Variants in SCAPER observed in about 807,000 individuals in gnomAD.
SCAPER encodes S-phase cyclin A associated protein in the ER, also known as S phase cyclin A-associated protein in the endoplasmic reticulum.
SCAPER carries 98 observed loss-of-function variants against 182.2 expected under a neutral mutation model. That is an observed-to-expected ratio of 0.54 (90% confidence interval 0.46 to 0.64). SCAPER has a LOEUF of 0.64. Ranked by LOEUF, SCAPER falls within the 30% of genes least tolerant of loss-of-function variation. The pLI is 0.00. For synonymous variants in SCAPER, 605 were observed against 564.6 expected, an observed-to-expected ratio of 1.07 and a Z score of -1.01; for missense variants, 1,432 against 1,690.0, an observed-to-expected ratio of 0.85 and a Z score of 2.68.
intron 24 of SCAPER, among the ~76,000 whole-genome samples, chr15:76,485,440 G>A (rs918212685): frequency 3.3e-5 from 5 of 152,238 alleles, no homozygotes; most frequent in Non-Finnish European, 5.9e-5. Context: ...ACTCAATATC[G>A]TTAAAATGGC....
chr15:76,648,470 A>C (rs1260932695), intron 21 of SCAPER, among the ~76,000 whole-genome samples: 1 of 152,200 alleles, frequency 6.6e-6, no homozygotes, highest in African/African-American at 2.4e-5. Flanking sequence ...CTTTTTCAAG[A>C]AACAATGGCT....
At position 76,800,376 on chromosome 15, in the gene SCAPER, A is replaced by G; in HGVS notation, c.495-12T>C. 1.3e-6 allele frequency: 2 copies of G among 1,496,916 alleles called. No homozygotes were observed. Among genetic ancestry groups the G allele is most frequent in the East Asian group, 2.3e-5 (1 of 44,350 alleles). 92.7% of individuals were successfully genotyped at this position (1,496,916 alleles called of 1,614,324 possible). On this transcript the variant is annotated splice_polypyrimidine_tract_variant and intron_variant, in intron 6 of 31. Transcript: ENST00000563290. ...CCAATGATGTTGGTCTGCGAATTCA[A>G]TATATAAACCAGATTAAATTAACAG...
chr15:76,834,894 T>C (rs2068798544), intron 5 of SCAPER, among the ~76,000 whole-genome samples: 1 of 151,938 alleles, frequency 6.6e-6, no homozygotes. Context: ...AGTTCTGAAA[T>C]GGAATCATTA....
chr15:76,423,987 G>T (rs1292561463), intron 26 of SCAPER, among the ~76,000 whole-genome samples: 1 of 152,198 alleles, frequency 6.6e-6, no homozygotes, highest in Non-Finnish European at 1.5e-5. Flanking sequence ...CTGAGAGACA[G>T]TTTGTTATAA....
At chr15:76,533,141 G>C (rs905688643) in intron 23 of SCAPER, among the ~76,000 whole-genome samples, 2 of 152,180 alleles carry the variant, frequency 1.3e-5, no homozygotes, top group African/African-American at 2.4e-5. Flanking sequence ...AGATTACTGA[G>C]ATTAGTTTTG....
At chr15:76,472,253 C>A (rs1331990118) in intron 24 of SCAPER, 1 of 561,352 alleles carries the variant, frequency 1.8e-6, no homozygotes, top group Non-Finnish European at 3.5e-6. Context: ...AGGAGGTACC[C>A]AAAAAGAAAA....
chr15:76,895,179 A>T (rs1025686745), intron 1 of SCAPER, among the ~76,000 whole-genome samples: 1 of 152,326 alleles, frequency 6.6e-6, no homozygotes, highest in Non-Finnish European at 1.5e-5. Context: ...AGCATCATAC[A>T]CTATGATCAG....
chr15:76,521,225 T>C (rs1321972517), intron 23 of SCAPER, among the ~76,000 whole-genome samples: 1 of 152,194 alleles, frequency 6.6e-6, no homozygotes, highest in Non-Finnish European at 1.5e-5. Context: ...ATGGTCATTT[T>C]GGGTATCTGT....
Position 76,619,340 on chromosome 15 carries a change from T to C in SCAPER, c.2711+2424A>G, listed in dbSNP as rs866560474. 2.0e-5 allele frequency among the ~76,000 whole-genome samples: 3 copies of C among 152,212 alleles called. No individual in the cohort carries two copies. In the South Asian group the frequency reaches 6.2e-4, roughly 32 times the overall value. ...ACCTATACATTCATCTTTTGATAAA[T>C]ATTTGAGTTATTTCCAGTTTGGAGC... is the stretch of plus-strand genomic sequence containing the variant. On this transcript the variant is annotated intron_variant, in intron 22 of 31. Transcript: ENST00000563290.
intron 21 of SCAPER, among the ~76,000 whole-genome samples, chr15:76,637,114 A>G (rs537937003): frequency 1.8e-4 from 27 of 152,228 alleles, no homozygotes; most frequent in Admixed American, 1.5e-3. Context: ...ACCTAACTTT[A>G]GAACATTTTT....
chr15:76,371,594 A>C (rs2042181199), intron 29 of SCAPER, among the ~76,000 whole-genome samples: 3 of 151,068 alleles, frequency 2.0e-5, no homozygotes, highest in Admixed American at 6.6e-5. Context: ...CTGGGATTAC[A>C]GGCGTGAGCC....
intron 14 of SCAPER, among the ~76,000 whole-genome samples, chr15:76,756,625 T>C (rs1201653358): frequency 1.3e-5 from 2 of 152,182 alleles, no homozygotes; most frequent in Non-Finnish European, 2.9e-5. Context: ...GGTTGCCTTT[T>C]TCACAGAAAA....
intron 23 of SCAPER, among the ~76,000 whole-genome samples, chr15:76,528,390 A>G (rs975743859): frequency 6.6e-6 from 1 of 152,166 alleles, no homozygotes; most frequent in African/African-American, 2.4e-5. Context: ...TTTACAGATA[A>G]CTTTCTACCA....
At chr15:76,357,251 A>G (rs919646760) in intron 29 of SCAPER, among the ~76,000 whole-genome samples, 2 of 151,582 alleles carry the variant, frequency 1.3e-5, no homozygotes, top group African/African-American at 4.8e-5. Context: ...AAGTGTATAC[A>G]CCGGTGTCAC....
chr15:76,899,503 G>A (rs368772822), intron 1 of SCAPER, among the ~76,000 whole-genome samples: 2 of 152,166 alleles, frequency 1.3e-5, no homozygotes, highest in Non-Finnish European at 2.9e-5. Context: ...GCCTGATCTC[G>A]GCTCACTACA....
rs1596841712 is a variant in SCAPER, at chr15:76,472,227, C to A, written c.2955-892G>T. On this transcript the variant is annotated intron_variant, in intron 24 of 31. Coordinates refer to ENST00000563290, the MANE Select transcript of SCAPER (RefSeq NM_020843.4). ...GCCAGAGCCCAACCCTAAAAAGTCC[C>A]CTGCAAAGGAGAGAGAGGAGGTACC... 3 of 536,900 alleles carry A rather than the reference C, an allele frequency of 5.6e-6. No homozygotes were observed. The East Asian group carries it at 1.4e-4, about 25-fold the overall frequency. 33.3% of individuals were successfully genotyped at this position (536,900 alleles called of 1,614,324 possible).
chr15:76,413,340 A>G (rs1194575276), intron 26 of SCAPER, among the ~76,000 whole-genome samples: 3 of 152,160 alleles, frequency 2.0e-5, no homozygotes, highest in Non-Finnish European at 4.4e-5. Flanking sequence ...ATTATGTACG[A>G]TTTAGCTGTT....
At chr15:76,695,394 G>A (rs166794) in intron 20 of SCAPER, among the ~76,000 whole-genome samples, 20,377 of 151,928 alleles carry the variant, frequency 0.13, 1,412 homozygotes, top group African/African-American at 0.17. Context: ...TCAAGAGTTC[G>A]AGACCAGCCT....
intron 26 of SCAPER, among the ~76,000 whole-genome samples, chr15:76,427,045 TCTCAC>T (rs1267174476): frequency 6.6e-6 from 1 of 152,086 alleles, no homozygotes; most frequent in Non-Finnish European, 1.5e-5. Flanking sequence ...GAACCCTACT[TCTCAC>T]CAATACAAAA....
Sources: allele counts gnomAD v4.1 joint callset (sites outside exome capture counted in the v4.1 genomes callset), GRCh38; gene constraint gnomAD v4.1.1; transcripts MANE v1.5; gene names NCBI Gene and HGNC (gene_info 2026-07-23, HGNC 2026-07-21).